Variants in KCNIP1 observed in about 807,000 individuals in gnomAD.
KCNIP1 encodes potassium voltage-gated channel interacting protein 1, also known as A-type potassium channel modulatory protein KCNIP1.
In KCNIP1, 18 loss-of-function variants were observed where a neutral mutation model predicts 33.0. The observed-to-expected ratio is 0.55, with a 90% CI of 0.38 to 0.81. The LOEUF (loss-of-function observed/expected upper bound fraction) is 0.81. Ranked by LOEUF, KCNIP1 falls within the 30% of genes least tolerant of loss-of-function variation. The probability of loss-of-function intolerance (pLI) is 0.00; values close to 1 mark genes in which losing one functional copy is unlikely to be tolerated. For missense variants in KCNIP1, 238 were observed against 271.6 expected (o/e 0.88, Z 0.87); for synonymous variants, 93 against 98.3 (o/e 0.95, Z 0.32).
intron 1 of KCNIP1, among the ~76,000 whole-genome samples, chr5:170,613,953 A>G (rs1759275162): frequency 1.3e-5 from 2 of 152,314 alleles, no homozygotes; most frequent in South Asian, 4.1e-4. Flanking sequence ...CCTGAACAGA[A>G]TAAGTTCAAC....
Position 170,504,630 on chromosome 5 carries a change from A to C in KCNIP1, c.58A>C (p.Lys20Gln), listed in dbSNP as rs746191448. Residue 20 changes from lysine (K) to glutamine (Q), a missense_variant, in exon 1 of 8, where the codon AAA becomes CAA. Lys to Gln is a moderately conservative substitution (Grantham distance 53). Transcript: ENST00000328939. The surrounding 1 kb of genome is among the most constrained non-coding windows in gnomAD (Gnocchi z 6.0). ...SLQTKQRRPS[K>Q]DKIEDELEMT... ...GCAAACCAAACAAAGGCGACCCTCG[A>C]AAGGTAAGCCACCTTCTTCCTTTTG... 1 of 1,613,294 alleles carries C rather than the reference A, an allele frequency of 6.2e-7. No individual in the cohort carries two copies. Among genetic ancestry groups the C allele is most frequent in the Admixed American group, 1.7e-5 (1 of 60,016 alleles).
rs549551668 is a variant in KCNIP1, at chr5:170,484,342, T to G, written c.88+130378T>G. The stretch of plus-strand genomic sequence containing the variant: ...CGGTGGGAGGAAACACGTGAAGAGC[T>G]CTCTCTGTGATAATAGACCATTTAG... On this transcript the variant is annotated intron_variant, in intron 1 of 7. Transcript: ENST00000377360. 5.9e-5 allele frequency: 9 copies of G among 152,246 alleles called. No homozygotes were observed. The South Asian group carries it at 1.5e-3, about 25-fold the overall frequency. 9.4% of individuals were successfully genotyped at this position (152,246 alleles called of 1,614,324 possible). A position where few individuals can be genotyped will look rare whatever the true frequency, so the allele number is the denominator to read the frequency against.
chr5:170,471,903 T>G (rs745894679), intron 1 of KCNIP1, among the ~76,000 whole-genome samples: 1 of 152,182 alleles, frequency 6.6e-6, no homozygotes, highest in Non-Finnish European at 1.5e-5. Flanking sequence ...CATGATACAT[T>G]TACTGGTTCA....
intron 1 of KCNIP1, among the ~76,000 whole-genome samples, chr5:170,443,362 T>C (rs531763990): frequency 1.9e-4 from 28 of 150,082 alleles, no homozygotes; most frequent in African/African-American, 6.4e-4. Flanking sequence ...GGAAACCAAA[T>C]CAACCTTGGG....
intron 1 of KCNIP1, among the ~76,000 whole-genome samples, chr5:170,360,255 A>G (rs1185180825): frequency 1.3e-5 from 2 of 152,198 alleles, no homozygotes; most frequent in South Asian, 2.1e-4. Flanking sequence ...CAAGGGTGGA[A>G]GTGGCGATGT....
intron 1 of KCNIP1, among the ~76,000 whole-genome samples, chr5:170,358,272 T>C (rs1486048217): frequency 6.6e-6 from 1 of 151,148 alleles, no homozygotes; most frequent in East Asian, 1.9e-4. Flanking sequence ...GCTGCGGGGG[T>C]GGGGAAAAGG....
At chr5:170,728,426 A>G (rs887743725) in intron 5 of KCNIP1, among the ~76,000 whole-genome samples, 12 of 152,376 alleles carry the variant, frequency 7.9e-5, no homozygotes, top group African/African-American at 2.9e-4. Flanking sequence ...TTTCTATCTG[A>G]GAAAAAAGAC....
chr5:170,555,031 C>T (rs542290708), intron 1 of KCNIP1, among the ~76,000 whole-genome samples: 4 of 152,292 alleles, frequency 2.6e-5, no homozygotes, highest in African/African-American at 9.6e-5. Flanking sequence ...TTTTGACAAG[C>T]ACTGTAATTA....
intron 1 of KCNIP1, among the ~76,000 whole-genome samples, chr5:170,629,454 A>G (rs921323773): frequency 1.3e-5 from 2 of 152,218 alleles, no homozygotes; most frequent in African/African-American, 4.8e-5. Flanking sequence ...TTGGTCAGCA[A>G]CCAACCAGCC....
At chr5:170,496,535 T>C (rs1757314669) in intron 1 of KCNIP1, among the ~76,000 whole-genome samples, 1 of 152,114 alleles carries the variant, frequency 6.6e-6, no homozygotes. Flanking sequence ...AATGATTAAG[T>C]GAGATCAGGC....
At chr5:170,708,855 C>T (rs1763350875) in intron 1 of KCNIP1, among the ~76,000 whole-genome samples, 2 of 152,132 alleles carry the variant, frequency 1.3e-5, no homozygotes, top group African/African-American at 4.8e-5. Flanking sequence ...GTGGAGATCA[C>T]ACCAGTGCAC....
At chr5:170,654,456 T>C (rs1445709215) in intron 1 of KCNIP1, among the ~76,000 whole-genome samples, 2 of 152,226 alleles carry the variant, frequency 1.3e-5, no homozygotes, top group Non-Finnish European at 2.9e-5. Flanking sequence ...TAATGCTGGG[T>C]ATCCATTTTA....
At chr5:170,456,661 T>TTTTCTTTCTTTCTC (rs1446695525) in intron 1 of KCNIP1, among the ~76,000 whole-genome samples, 1 of 137,810 alleles carries the variant, frequency 7.3e-6, no homozygotes, top group African/African-American at 2.9e-5. Flanking sequence ...GTGGTTCTTG[T>TTTTCTTTCTTTCTC]TTTCTTTCTT....
chr5:170,709,429 T>C (rs1013319939), intron 1 of KCNIP1, among the ~76,000 whole-genome samples: 6 of 152,228 alleles, frequency 3.9e-5, no homozygotes, highest in Non-Finnish European at 8.8e-5. Flanking sequence ...TGCCTTAACA[T>C]CTACTTTAGC....
At chr5:170,583,833 A>G (rs10462998) in intron 1 of KCNIP1, among the ~76,000 whole-genome samples, 10,086 of 152,234 alleles carry the variant, frequency 0.066, 476 homozygotes, top group African/African-American at 0.12. Flanking sequence ...GATAATCATC[A>G]GTTTTTAATT....
intron 1 of KCNIP1, among the ~76,000 whole-genome samples, chr5:170,583,326 T>C (rs1757867061): frequency 6.6e-6 from 1 of 152,250 alleles, no homozygotes; most frequent in Non-Finnish European, 1.5e-5. Context: ...CTACAGCTCA[T>C]CTGCCAATGC....
At position 170,618,516 on chromosome 5, in the gene KCNIP1, AAGGG is replaced by A. The variant is rs1237246088; in HGVS notation, c.62-100226_62-100223del. 1.5e-4 allele frequency among the ~76,000 whole-genome samples: 12 copies of A among 77,988 alleles called. 1 individual carries two copies. The East Asian group carries it at 3.5e-3, about 23-fold the overall frequency. 51.2% of individuals were successfully genotyped at this position (77,988 alleles called of 152,430 possible). On this transcript the variant is annotated intron_variant, in intron 1 of 7. Coordinates refer to ENST00000328939, the MANE Select transcript of KCNIP1 (RefSeq NM_014592.4). ...GGAGGGAGGGAGGAAAGGAGGAAGGAAGGGAGGGAGGGAGGGAGGAAAGGAGGGA... is the reference window on the plus strand; with the variant it reads ...GGAGGGAGGGAGGAAAGGAGGAAGGAAGGGAGGGAGGGAGGAAAGGAGGGA...
intron 1 of KCNIP1, among the ~76,000 whole-genome samples, chr5:170,630,125 T>C (rs1040022994): frequency 6.6e-6 from 1 of 152,188 alleles, no homozygotes; most frequent in Non-Finnish European, 1.5e-5. Context: ...CCTGACAATT[T>C]TGAGGGGCCA....
intron 1 of KCNIP1, among the ~76,000 whole-genome samples, chr5:170,449,993 A>G (rs1182801680): frequency 6.6e-6 from 1 of 152,194 alleles, no homozygotes. Flanking sequence ...ATTTTCTCAG[A>G]GTAAATAACA....
Sources: gnomAD v4.1 joint callset for allele counts (sites outside exome capture counted in the v4.1 genomes callset) on GRCh38, gnomAD v4.1.1 for gene constraint, Gnocchi (gnomAD v3.1) non-coding constraint, MANE v1.5 for transcripts, NCBI Gene and HGNC (gene_info 2026-07-23, HGNC 2026-07-21) for gene names.